Variants in ZNF605 observed in about 807,000 individuals in gnomAD.
ZNF605 encodes zinc finger protein 605.
In ZNF605, 9 loss-of-function variants were observed where a neutral mutation model predicts 7.9. The observed-to-expected ratio is 1.14, with a 90% CI of 0.68 to 1.98. The LOEUF is 1.98. ZNF605 is among the 30% of genes most tolerant of loss of function. The pLI, the probability that ZNF605 is intolerant of heterozygous loss-of-function variation, is 0.00. For synonymous variants in ZNF605, 255 were observed against 260.1 expected (o/e 0.98, Z 0.19); for missense variants, 673 against 762.4 (o/e 0.88, Z 1.38).
Position 132,926,738 on chromosome 12 carries a change from G to C in ZNF605, c.561C>G (p.His187Gln). Residue 187 changes from histidine (H) to glutamine (Q), a missense_variant, in exon 5 of 5, where the codon CAC becomes CAG. His to Gln is a conservative substitution (Grantham distance 24). Coordinates refer to ENST00000360187, the MANE Select transcript of ZNF605 (RefSeq NM_183238.4). The stretch of plus-strand genomic sequence containing the variant: ...GCTTCTCTCCTGTATGAGTTCTCTG[G>C]TGTATAACAAGTTGTGACTTCTTGT... ...FFNKKSQLVI[H>Q]QRTHTGEKPY... 2 of 1,613,992 alleles carry C rather than the reference G, an allele frequency of 1.2e-6. No individual in the cohort carries two copies. The highest frequency in any genetic ancestry group is 2.2e-5 in the South Asian group (2 of 91,070).
chr12:132,928,725 G>A lies in ZNF605; in HGVS notation c.137-1563C>T, dbSNP rs114068759. 6.9e-3 allele frequency among the ~76,000 whole-genome samples: 1,053 copies of A among 152,230 alleles called. 16 individuals carry two copies. Among genetic ancestry groups the A allele is most frequent in the African/African-American group, 0.024 (979 of 41,536 alleles). On this transcript the variant is annotated intron_variant, in intron 4 of 4. Transcript: ENST00000360187. ...TCTGGCATGGTCTCAAATATAAAAC[G>A]AGGCTGGGCCTGGTGGCAGCTCACA...
intron 3 of ZNF605, among the ~76,000 whole-genome samples, chr12:132,936,733 C>G (rs780881992): frequency 1.2e-4 from 18 of 151,978 alleles, no homozygotes; most frequent in Admixed American, 1.1e-3. Flanking sequence ...AAATGGATCA[C>G]AGACCTAAAC....
Position 132,925,677 on chromosome 12 carries a change from G to C in ZNF605, c.1622C>G (p.Ala541Gly). 6.2e-7 allele frequency: 1 copy of C among 1,614,180 alleles called. No homozygotes were observed. The highest frequency in any genetic ancestry group is 8.5e-7 in the Non-Finnish European group (1 of 1,180,028). The change falls in exon 5 of 5, where the codon GCA (alanine) becomes GGA (glycine). Residue 541 changes from alanine (A) to glycine (G), a missense_variant. By Grantham distance (60) the Ala-to-Gly change is moderately conservative. Coordinates refer to ENST00000360187, the MANE Select transcript of ZNF605 (RefSeq NM_183238.4). ...AATGAGCTGCACTTTCTGAACAAATGCTTTCCCACATTCACTGCATTCATA... is the reference window on the plus strand; with the variant it reads ...AATGAGCTGCACTTTCTGAACAAATCCTTTCCCACATTCACTGCATTCATA... ...KPYECSECGK[A>G]FVQKVQLIKH...
At chr12:132,930,473 G>T (rs888586050) in intron 4 of ZNF605, among the ~76,000 whole-genome samples, 1 of 151,762 alleles carries the variant, frequency 6.6e-6, no homozygotes. Flanking sequence ...GAACAGGTTT[G>T]TCTTTTTCAC....
In ZNF605 at chr12:132,945,661, T is replaced by A; in HGVS notation, c.-26A>T. On this transcript the variant is annotated 5_prime_UTR_variant, in exon 3 of 5. Coordinates refer to ENST00000360187, the MANE Select transcript of ZNF605 (RefSeq NM_183238.4). ...TTTCCGCTGCTCTTGGGAAATCTGC[T>A]GTTTTGTGACTTCTCTTAGTCCTGA... 1 of 1,614,264 alleles carries A rather than the reference T, an allele frequency of 6.2e-7. No homozygotes were observed. Among genetic ancestry groups the A allele is most frequent in the Admixed American group, 1.7e-5 (1 of 60,030 alleles).
rs1166490970 is a variant in ZNF605 at position 132,920,286 on chromosome 12, CTG to C, written c.*5085_*5086del. The C allele has an allele frequency of 6.6e-6, 1 of 152,418 alleles. No individual in the cohort carries two copies. The highest frequency in any genetic ancestry group is 1.5e-5 in the Non-Finnish European group (1 of 68,280). 9.4% of individuals were successfully genotyped at this position (152,418 alleles called of 1,614,324 possible). On this transcript the variant is annotated 3_prime_UTR_variant, in exon 5 of 5. Transcript: ENST00000360187. ...TCCTGAGTAGCTGGGACTACAGGCG[CTG>C]GCCACCTCACCTGGCTAATTTTTTG...
At chr12:132,930,789 C>T (rs888626116) in intron 4 of ZNF605, among the ~76,000 whole-genome samples, 1 of 152,112 alleles carries the variant, frequency 6.6e-6, no homozygotes, top group Admixed American at 6.5e-5. Flanking sequence ...ACAGCTTTTC[C>T]AAACTGCACA....
intron 4 of ZNF605, among the ~76,000 whole-genome samples, chr12:132,930,258 T>G (rs984758616): frequency 6.6e-6 from 1 of 152,190 alleles, no homozygotes; most frequent in African/African-American, 2.4e-5. Context: ...GGCCTGCAAC[T>G]CCCAGCCTCA....
At position 132,933,200 on chromosome 12, in the gene ZNF605, G is replaced by A. The variant is rs1952323986; in HGVS notation, c.16-45C>T. The A allele has an allele frequency of 6.4e-7, 1 of 1,562,414 alleles. No individual in the cohort carries two copies. Among genetic ancestry groups the A allele is most frequent in the East Asian group, 2.3e-5 (1 of 44,124 alleles). Reference sequence around the variant, plus strand: ...GTTAAACCTGAAGTGGTTCTCATTTGGTCTTGTAAAATACTTTCTTCTGTA... The same window carrying A: ...GTTAAACCTGAAGTGGTTCTCATTTAGTCTTGTAAAATACTTTCTTCTGTA... On this transcript the variant is annotated intron_variant, in intron 3 of 4. Coordinates refer to ENST00000360187, the MANE Select transcript of ZNF605 (RefSeq NM_183238.4). The surrounding 1 kb of genome is among the most constrained non-coding windows in gnomAD (Gnocchi z 4.4).
At chr12:132,950,172 C>T (rs1421665185) in intron 1 of ZNF605, among the ~76,000 whole-genome samples, 1 of 152,036 alleles carries the variant, frequency 6.6e-6, no homozygotes, top group East Asian at 1.9e-4. Context: ...CCGGAAGCTT[C>T]GAATTAGTTC....
intron 3 of ZNF605, among the ~76,000 whole-genome samples, chr12:132,936,562 C>G (rs1302272815): frequency 6.6e-6 from 1 of 152,190 alleles, no homozygotes; most frequent in Non-Finnish European, 1.5e-5. Flanking sequence ...GAACAGAACA[C>G]AGAACTCAAA....
chr12:132,951,018 A>G (rs986273654), intron 1 of ZNF605, among the ~76,000 whole-genome samples: 1 of 151,712 alleles, frequency 6.6e-6, no homozygotes, highest in Admixed American at 6.6e-5. Flanking sequence ...AGACATACTG[A>G]TAACACGTAC....
At chr12:132,944,631 C>T (rs1952479864) in intron 3 of ZNF605, among the ~76,000 whole-genome samples, 2 of 152,148 alleles carry the variant, frequency 1.3e-5, no homozygotes, top group African/African-American at 4.8e-5. Flanking sequence ...GCAACCAAGA[C>T]CCCATCTCAG....
At chr12:132,932,770 G>T (rs1668764702) in intron 4 of ZNF605, 1 of 1,536,548 alleles carries the variant, frequency 6.5e-7, no homozygotes, top group Admixed American at 2.0e-5. Flanking sequence ...TGTTGTTCCA[G>T]TTTGAACATT....
rs1234211489 is a variant in ZNF605, at chr12:132,927,146, A to T, written c.153T>A (p.Asn51Lys). 7.0e-6 allele frequency: 11 copies of T among 1,566,278 alleles called. No individual in the cohort carries two copies. The highest frequency in any genetic ancestry group is 1.9e-5 in the Admixed American group (1 of 51,462). The part of the protein sequence containing the change: ...NLVFLEVWLD[N>K]PKMWLRDNQD... ...GATTATCTCGGAGCCACATTTTGGGATTATCTAGCCAGACTTCTAAAAAGA... is the reference window on the plus strand; with the variant it reads ...GATTATCTCGGAGCCACATTTTGGGTTTATCTAGCCAGACTTCTAAAAAGA... Residue 51 changes from asparagine (N) to lysine (K), a missense_variant, in exon 5 of 5, where the codon AAT (asparagine) becomes AAA (lysine). By Grantham distance (94) the Asn-to-Lys change is moderately conservative. Transcript: ENST00000360187.
chr12:132,949,704 G>T (rs1952537146), intron 1 of ZNF605, among the ~76,000 whole-genome samples: 1 of 152,184 alleles, frequency 6.6e-6, no homozygotes, highest in African/African-American at 2.4e-5. Context: ...ACAGGTCCCA[G>T]TGTCAACAGG....
chr12:132,951,536 A>T (rs1952567140), intron 1 of ZNF605, among the ~76,000 whole-genome samples: 2 of 151,610 alleles, frequency 1.3e-5, no homozygotes, highest in African/African-American at 4.8e-5. Flanking sequence ...CACGTACGTC[A>T]CACACACACA....
rs1485140757 is a variant in ZNF605 at position 132,955,689 on chromosome 12, C to T, written c.-286+554G>A. Among the ~76,000 whole-genome samples the T allele has an allele frequency of 3.3e-5, 5 of 152,170 alleles. No homozygotes were observed. The South Asian group carries it at 8.3e-4, about 25-fold the overall frequency. ...TTCCAGTGAATGGAACCCACACAAG[C>T]AAGCCCCTAAGCCCTCCAACGCAGG... On this transcript the variant is annotated intron_variant, in intron 1 of 4. Coordinates refer to ENST00000360187, the MANE Select transcript of ZNF605 (RefSeq NM_183238.4).
At chr12:132,951,039 T>C (rs919516178) in intron 1 of ZNF605, among the ~76,000 whole-genome samples, 1 of 139,120 alleles carries the variant, frequency 7.2e-6, no homozygotes, top group African/African-American at 2.7e-5. Context: ...ATCACAGACA[T>C]GTACACACAG....
Sources: gnomAD v4.1 joint callset for allele counts (sites outside exome capture counted in the v4.1 genomes callset) on GRCh38, gnomAD v4.1.1 for gene constraint, Gnocchi (gnomAD v3.1) non-coding constraint, MANE v1.5 for transcripts, NCBI Gene and HGNC (gene_info 2026-07-23, HGNC 2026-07-21) for gene names.